The following LRBA variants were observed in gnomAD, a reference collection of about 807,000 sequenced individuals.
LRBA encodes lipopolysaccharide-responsive and beige-like anchor protein.
Under a neutral mutation model 330.0 loss-of-function variants are expected in LRBA, and 176 were observed. That is an observed-to-expected ratio of 0.53 (90% CI 0.47 to 0.60). The LOEUF (loss-of-function observed/expected upper bound fraction) is 0.60, where lower values mean the gene tolerates loss of function less well. LRBA is among the 20% of genes least tolerant of loss of function. The pLI, the probability that LRBA is intolerant of heterozygous loss-of-function variation, is 0.00. For synonymous variants in LRBA, 1,230 were observed against 1,193.0 expected (o/e 1.03, Z -0.64); for missense variants, 3,259 against 3,444.8 (o/e 0.95, Z 1.35).
chr4:150,573,759 C>T (rs1487510221), intron 40 of LRBA, among the ~76,000 whole-genome samples: 2 of 152,164 alleles, frequency 1.3e-5, no homozygotes, highest in African/African-American at 2.4e-5. Flanking sequence ...AAGATGTTAA[C>T]ACTTTTATGC....
chr4:150,351,590 G>A (rs1737179089), intron 47 of LRBA, among the ~76,000 whole-genome samples: 1 of 152,156 alleles, frequency 6.6e-6, no homozygotes, highest in Non-Finnish European at 1.5e-5. Context: ...CCGGGAGGCT[G>A]AGGCAGGAGA....
At chr4:150,335,405 G>C (rs1406555666) in intron 48 of LRBA, among the ~76,000 whole-genome samples, 1 of 147,806 alleles carries the variant, frequency 6.8e-6, no homozygotes, top group Non-Finnish European at 1.5e-5. Context: ...GTGTGGCTGT[G>C]TATATATATA....
chr4:150,810,705 C>T (rs1743593307), intron 31 of LRBA, among the ~76,000 whole-genome samples: 1 of 152,044 alleles, frequency 6.6e-6, no homozygotes, highest in Non-Finnish European at 1.5e-5. Flanking sequence ...GGACTCAAGC[C>T]GTCTTCCTGC....
At chr4:150,657,953 C>G (rs967754892) in intron 37 of LRBA, among the ~76,000 whole-genome samples, 1 of 151,578 alleles carries the variant, frequency 6.6e-6, no homozygotes, top group African/African-American at 2.4e-5. Flanking sequence ...AGATCTGGCT[C>G]CCAAAGATAA....
intron 34 of LRBA, among the ~76,000 whole-genome samples, chr4:150,769,337 C>A (rs1578723616): frequency 6.6e-6 from 1 of 151,916 alleles, no homozygotes; most frequent in African/African-American, 2.4e-5. Context: ...GAGACACAGA[C>A]AGAGAGACAC....
intron 44 of LRBA, among the ~76,000 whole-genome samples, chr4:150,466,188 G>A (rs996518194): frequency 5.3e-5 from 8 of 152,014 alleles, no homozygotes; most frequent in African/African-American, 7.2e-5. Context: ...TGACATCCTC[G>A]GTAACTATTG....
At chr4:150,842,829 G>A (rs753759669) in intron 28 of LRBA, among the ~76,000 whole-genome samples, 17 of 152,016 alleles carry the variant, frequency 1.1e-4, no homozygotes, top group Non-Finnish European at 2.5e-4. Flanking sequence ...CACATATACA[G>A]CATTGGTCCC....
At position 150,466,351 on chromosome 4, in the gene LRBA, T is replaced by C. The variant is rs917335884; in HGVS notation, c.6780+1322A>G. 3.0e-4 allele frequency among the ~76,000 whole-genome samples: 45 copies of C among 152,242 alleles called. 1 individual carries two copies. Among genetic ancestry groups the C allele is most frequent in the African/African-American group, 1.0e-3 (43 of 41,564 alleles). ...CTGGATATGTTGAGTGAACTTGTAC[T>C]TCTCATGCTGGGATCTGCAGACACT... is the stretch of plus-strand genomic sequence containing the variant. On this transcript the variant is annotated intron_variant, in intron 44 of 56. Transcript: ENST00000651943.
chr4:150,506,616 A>G (rs1041928651), intron 40 of LRBA, among the ~76,000 whole-genome samples: 20 of 152,352 alleles, frequency 1.3e-4, no homozygotes, highest in Non-Finnish European at 2.8e-4. Flanking sequence ...CCCACAGCCA[A>G]TATCATACTG....
intron 47 of LRBA, among the ~76,000 whole-genome samples, chr4:150,383,801 A>T (rs1313871776): frequency 6.6e-5 from 10 of 152,106 alleles, no homozygotes; most frequent in Admixed American, 3.3e-4. Flanking sequence ...GCAGAAATTT[A>T]AAAAAAGCCT....
intron 40 of LRBA, among the ~76,000 whole-genome samples, chr4:150,548,012 T>C (rs999164834): frequency 7.9e-5 from 12 of 152,178 alleles, no homozygotes; most frequent in Non-Finnish European, 1.3e-4. Context: ...ATTTATATTT[T>C]CTCTACATAC....
At chr4:150,445,608 T>C (rs1752527717) in intron 44 of LRBA, among the ~76,000 whole-genome samples, 1 of 152,004 alleles carries the variant, frequency 6.6e-6, no homozygotes, top group Admixed American at 6.6e-5. Flanking sequence ...AATAGTTATT[T>C]TATTCTGTTT....
At chr4:150,594,682 T>C (rs781300244) in intron 38 of LRBA, among the ~76,000 whole-genome samples, 22 of 152,204 alleles carry the variant, frequency 1.4e-4, no homozygotes, top group Middle Eastern at 6.8e-3. Context: ...TAAACTGCAA[T>C]TGTTACATAA....
At position 150,321,504 on chromosome 4, in the gene LRBA, G is replaced by A. The variant is rs1732513499; in HGVS notation, c.7453-136C>T. The A allele has an allele frequency of 9.5e-6, 6 of 634,590 alleles. No homozygotes were observed. The highest frequency in any genetic ancestry group is 3.2e-5 in the East Asian group (1 of 31,446). 39.3% of individuals were successfully genotyped at this position (634,590 alleles called of 1,614,324 possible). The stretch of plus-strand genomic sequence containing the variant: ...ATATTAACATGAGTTGTAAGTGGAA[G>A]CACAGTGAGCAGAAAGGCTTGTAGA... On this transcript the variant is annotated intron_variant, in intron 49 of 56. Coordinates refer to ENST00000651943, the MANE Select transcript of LRBA (RefSeq NM_001364905.1). The surrounding 1 kb of genome is among the most constrained non-coding windows in gnomAD (Gnocchi z 4.5).
At chr4:150,867,976 C>T in intron 21 of LRBA, 113 bp from the exon 22 acceptor site, 1 of 968,432 alleles carries the variant, frequency 1.0e-6, no homozygotes, top group Non-Finnish European at 1.5e-6. Flanking sequence ...GAAAAAGAAA[C>T]ACATTTAGTT....
At chr4:150,638,395 A>C (rs1778146192) in intron 37 of LRBA, among the ~76,000 whole-genome samples, 1 of 152,188 alleles carries the variant, frequency 6.6e-6, no homozygotes. Flanking sequence ...TCAGTGTACC[A>C]ACATTATACT....
intron 53 of LRBA, among the ~76,000 whole-genome samples, chr4:150,300,230 G>T (rs1043924509): frequency 2.0e-5 from 3 of 151,960 alleles, no homozygotes; most frequent in Non-Finnish European, 4.4e-5. Context: ...TTAAATCGGG[G>T]CATCAGACAT....
chr4:150,590,552 A>T (rs1359572483), intron 39 of LRBA, among the ~76,000 whole-genome samples, 161 bp downstream of exon 39: 1 of 152,206 alleles, frequency 6.6e-6, no homozygotes, highest in Non-Finnish European at 1.5e-5. Context: ...ATAGAAAAAT[A>T]AAGGAGAAAC....
chr4:150,977,092 G>A lies in LRBA; in HGVS notation c.216+37335C>T, dbSNP rs531049396. On this transcript the variant is annotated intron_variant, in intron 2 of 56. Coordinates refer to ENST00000651943, the MANE Select transcript of LRBA (RefSeq NM_001364905.1). ...CCTAGCACTGTGCTCTGAGTCCACTGGCTCTGAACATGAGGGGCATGTGAC... is the reference window on the plus strand; with the variant it reads ...CCTAGCACTGTGCTCTGAGTCCACTAGCTCTGAACATGAGGGGCATGTGAC... Among the ~76,000 whole-genome samples, 63 of 152,318 alleles carry A rather than the reference G, an allele frequency of 4.1e-4. No homozygotes were observed. In the South Asian group the frequency reaches 0.013, roughly 32 times the overall value.
Sources: gnomAD v4.1 joint callset for allele counts (sites outside exome capture counted in the v4.1 genomes callset) on GRCh38, gnomAD v4.1.1 for gene constraint, Gnocchi (gnomAD v3.1) non-coding constraint, MANE v1.5 for transcripts, NCBI Gene and HGNC (gene_info 2026-07-23, HGNC 2026-07-21) for gene names.